PTPRO: variants seen among roughly 807,000 people sequenced by gnomAD.
The protein encoded by PTPRO is protein tyrosine phosphatase receptor type O.
A neutral mutation model predicts 145.2 loss-of-function variants in PTPRO; 62 were observed. The ratio of observed to expected loss-of-function variants is 0.43; its 90% CI spans 0.35 to 0.53. The LOEUF is 0.53. PTPRO is among the 20% of genes least tolerant of loss of function. The pLI is 0.01. For synonymous variants in PTPRO, 565 were observed against 514.7 expected, an observed-to-expected ratio of 1.10 and a Z score of -1.32; for missense variants, 1,345 against 1,482.7, an observed-to-expected ratio of 0.91 and a Z score of 1.53.
chr12:15,589,018 G>T (rs528624420), intron 24 of PTPRO, among the ~76,000 whole-genome samples: 2 of 152,164 alleles, frequency 1.3e-5, no homozygotes, highest in Admixed American at 1.3e-4. Context: ...CTTAGTCTGC[G>T]TTTTTCCACA....
At chr12:15,510,991 ACT>A (rs1368105106) in intron 7 of PTPRO, among the ~76,000 whole-genome samples, 1 of 114,682 alleles carries the variant, frequency 8.7e-6, no homozygotes, top group African/African-American at 3.3e-5. Flanking sequence ...ACATAGTGAA[ACT>A]CTGTCTCCAC....
chr12:15,451,891 T>C (rs938694207), intron 1 of PTPRO, among the ~76,000 whole-genome samples: 1 of 151,580 alleles, frequency 6.6e-6, no homozygotes, highest in Non-Finnish European at 1.5e-5. Context: ...CATCAAAGAG[T>C]CTGAAAGAGC....
At chr12:15,532,657 T>C (rs1425796250) in intron 12 of PTPRO, among the ~76,000 whole-genome samples, 1 of 152,226 alleles carries the variant, frequency 6.6e-6, no homozygotes, top group Non-Finnish European at 1.5e-5. Context: ...TCCTCCCTTG[T>C]GGTCTATACT....
intron 15 of PTPRO, among the ~76,000 whole-genome samples, chr12:15,555,840 T>C (rs890877057): frequency 1.3e-5 from 2 of 152,232 alleles, no homozygotes; most frequent in African/African-American, 4.8e-5. Context: ...TATTGAAATA[T>C]GATAATCATA....
At chr12:15,555,891 A>G (rs1051918823) in intron 15 of PTPRO, among the ~76,000 whole-genome samples, 2 of 152,246 alleles carry the variant, frequency 1.3e-5, no homozygotes, top group African/African-American at 4.8e-5. Context: ...TTTAATTAGT[A>G]TATTCAATGT....
chr12:15,414,807 T>C (rs1939900654), intron 1 of PTPRO, among the ~76,000 whole-genome samples: 1 of 152,110 alleles, frequency 6.6e-6, no homozygotes, highest in Admixed American at 6.5e-5. Context: ...AAGGAAGAAA[T>C]GGATGTGATT....
chr12:15,410,066 ATTAG>A (rs1317582910), intron 1 of PTPRO, among the ~76,000 whole-genome samples: 1 of 152,218 alleles, frequency 6.6e-6, no homozygotes, highest in East Asian at 1.9e-4. Flanking sequence ...ACAAAGAGTT[ATTAG>A]TTAAAGAAAA....
intron 1 of PTPRO, among the ~76,000 whole-genome samples, chr12:15,355,155 T>C (rs931524961): frequency 2.6e-5 from 4 of 151,178 alleles, no homozygotes; most frequent in Non-Finnish European, 5.9e-5. Context: ...CATTTCCCTA[T>C]GTGTCTTTGC....
At chr12:15,384,378 C>CTGGG (rs1938957577) in intron 1 of PTPRO, among the ~76,000 whole-genome samples, 1 of 152,180 alleles carries the variant, frequency 6.6e-6, no homozygotes. Flanking sequence ...ATACCATAGA[C>CTGGG]TGGGTGGCTT....
intron 1 of PTPRO, among the ~76,000 whole-genome samples, chr12:15,367,799 A>T (rs1025293847): frequency 1.3e-5 from 2 of 152,268 alleles, no homozygotes; most frequent in Admixed American, 1.3e-4. Context: ...CCCAAAGGAA[A>T]TGAAGTGGAC....
At chr12:15,380,461 G>C (rs1335098555) in intron 1 of PTPRO, among the ~76,000 whole-genome samples, 1 of 152,098 alleles carries the variant, frequency 6.6e-6, no homozygotes, top group African/African-American at 2.4e-5. Flanking sequence ...GAAGTCAGAT[G>C]AACAAGCACA....
At chr12:15,543,890 C>G (rs1466159996) in intron 12 of PTPRO, among the ~76,000 whole-genome samples, 4 of 152,154 alleles carry the variant, frequency 2.6e-5, no homozygotes, top group Non-Finnish European at 4.4e-5. Flanking sequence ...GAGCACTGCC[C>G]TGAAGTTCAG....
Position 15,412,073 on chromosome 12 carries a change from C to T in PTPRO, c.76-71901C>T, listed in dbSNP as rs373474643. On this transcript the variant is annotated intron_variant, in intron 1 of 26. Coordinates refer to ENST00000281171, the MANE Select transcript of PTPRO (RefSeq NM_030667.3). The stretch of plus-strand genomic sequence containing the variant: ...CAGCTCTCTTCAGACCCTGTGTCAG[C>T]GAAATTACAAAATGTCCTTGGGATC... 3.9e-5 allele frequency among the ~76,000 whole-genome samples: 6 copies of T among 152,134 alleles called. No homozygotes were observed. The East Asian group carries it at 7.7e-4, about 20-fold the overall frequency.
At chr12:15,462,457 C>G (rs1418350369) in intron 1 of PTPRO, among the ~76,000 whole-genome samples, 2 of 152,118 alleles carry the variant, frequency 1.3e-5, no homozygotes, top group Admixed American at 1.3e-4. Flanking sequence ...TCTTCACCGT[C>G]ACTGGTAAAA....
intron 1 of PTPRO, among the ~76,000 whole-genome samples, chr12:15,402,496 A>C (rs534766968): frequency 6.6e-5 from 10 of 152,152 alleles, no homozygotes; most frequent in Non-Finnish European, 1.5e-4. Context: ...AATTCTGATG[A>C]TTATAAGACC....
chr12:15,426,698 A>G (rs1039547497), intron 1 of PTPRO, among the ~76,000 whole-genome samples: 1 of 152,090 alleles, frequency 6.6e-6, no homozygotes, highest in South Asian at 2.1e-4. Flanking sequence ...GGTTTTAAAA[A>G]TTATCTTCAT....
intron 19 of PTPRO, 78 bp downstream of exon 19, chr12:15,569,576 C>T: frequency 7.8e-7 from 1 of 1,276,618 alleles, no homozygotes. Context: ...GCGGTCATGT[C>T]CCTGCTCACT....
intron 1 of PTPRO, among the ~76,000 whole-genome samples, chr12:15,435,203 T>C (rs1255668910): frequency 6.6e-6 from 1 of 152,194 alleles, no homozygotes; most frequent in African/African-American, 2.4e-5. Context: ...TAAGAGTGAT[T>C]GTAGCTATCA....
At chr12:15,579,830 G>C (rs1344791394) in intron 20 of PTPRO, among the ~76,000 whole-genome samples, 1 of 151,684 alleles carries the variant, frequency 6.6e-6, no homozygotes, top group East Asian at 1.9e-4. Context: ...AGGAGAGCTG[G>C]TAGTGAAAAA....
Sources: gnomAD v4.1 joint callset for allele counts (sites outside exome capture counted in the v4.1 genomes callset) on GRCh38, gnomAD v4.1.1 for gene constraint, MANE v1.5 for transcripts, NCBI Gene and HGNC (gene_info 2026-07-23, HGNC 2026-07-21) for gene names.